NELL2: variants seen among roughly 807,000 people sequenced by gnomAD.
NELL2 encodes protein kinase C-binding protein NELL2.
In NELL2, 41 loss-of-function variants were observed where a neutral mutation model predicts 109.6. The ratio of observed to expected loss-of-function variants is 0.37; its 90% confidence interval spans 0.29 to 0.49. The LOEUF (loss-of-function observed/expected upper bound fraction) is 0.49, where lower values mean the gene tolerates loss of function less well. Ranked by LOEUF, NELL2 falls within the 20% of genes least tolerant of loss-of-function variation. NELL2 has a pLI of 0.98. For missense variants in NELL2, 900 were observed against 1,008.3 expected, an observed-to-expected ratio of 0.89 and a Z score of 1.45; for synonymous variants, 355 against 344.7, an observed-to-expected ratio of 1.03 and a Z score of -0.33.
At chr12:44,569,366 T>C (rs1943777487) in intron 15 of NELL2, among the ~76,000 whole-genome samples, 2 of 152,154 alleles carry the variant, frequency 1.3e-5, no homozygotes, top group African/African-American at 4.8e-5. Flanking sequence ...GTCTTTACAA[T>C]AGTACAATTT....
At chr12:44,881,514 G>A (rs1945411638) in intron 1 of NELL2, among the ~76,000 whole-genome samples, 1 of 151,858 alleles carries the variant, frequency 6.6e-6, no homozygotes, top group African/African-American at 2.4e-5. Context: ...TCATTAGAAT[G>A]GGCCCAGTAG....
At position 44,890,284 on chromosome 12, in the gene NELL2, T is replaced by C. The variant is rs543412998; in HGVS notation, c.39-14384A>G. ...TCAGGTCATCCTTATCCTTTCCCTATACAGGCTGACTCTTAGTATTCACAG... is the reference window on the plus strand; with the variant it reads ...TCAGGTCATCCTTATCCTTTCCCTACACAGGCTGACTCTTAGTATTCACAG... On this transcript the variant is annotated intron_variant, in intron 1 of 20. Coordinates refer to the NELL2 transcript ENST00000333837. Among the ~76,000 whole-genome samples the C allele has an allele frequency of 2.6e-5, 4 of 152,298 alleles. No individual in the cohort carries two copies. In the South Asian group the frequency reaches 6.2e-4, roughly 24 times the overall value.
chr12:44,777,281 G>T lies in NELL2; in HGVS notation c.640C>A (p.Pro214Thr), dbSNP rs761572614. Residue 214 changes from proline to threonine, a missense_variant, in exon 6 of 20, where the codon CCC becomes ACC. Pro to Thr is a conservative substitution (Grantham distance 38, BLOSUM62 -1). Transcript: ENST00000429094. ...IMQDVQLLVM[P>T]QGFIAQCPDL... ...GGGCACTGAGCAATAAATCCCTGGG[G>T]CATGACAAGTAATTGGACATCTTGC... The T allele has an allele frequency of 6.2e-6, 10 of 1,613,744 alleles. No homozygotes were observed. In the East Asian group the frequency reaches 1.8e-4, roughly 29 times the overall value.
chr12:44,730,380 C>T (rs1005390626), intron 9 of NELL2, among the ~76,000 whole-genome samples: 12 of 152,044 alleles, frequency 7.9e-5, no homozygotes, highest in African/African-American at 1.9e-4. Flanking sequence ...GGATAGACCA[C>T]GTTATACTAT....
intron 2 of NELL2, among the ~76,000 whole-genome samples, chr12:44,869,073 C>T (rs548720451): frequency 9.2e-5 from 14 of 152,152 alleles, no homozygotes; most frequent in African/African-American, 3.1e-4. Context: ...TCTCATCATC[C>T]AAATCATCTA....
At position 44,906,038 on chromosome 12, in the gene NELL2, A is replaced by G. The variant is rs1231904827; in HGVS notation, c.38+7761T>C. 2.0e-5 allele frequency among the ~76,000 whole-genome samples: 3 copies of G among 152,104 alleles called. No homozygotes were observed. The East Asian group carries it at 5.8e-4, about 29-fold the overall frequency. On this transcript the variant is annotated intron_variant, in intron 1 of 20. Coordinates refer to the NELL2 transcript ENST00000333837. Reference sequence around the variant, plus strand: ...TATAATAGGAAAGAAAATTGTGAAGATTATAGAGAGGTTAACTTTTAAAAT... The same window carrying G: ...TATAATAGGAAAGAAAATTGTGAAGGTTATAGAGAGGTTAACTTTTAAAAT...
chr12:44,523,920 C>A (rs1321924147), intron 16 of NELL2, among the ~76,000 whole-genome samples: 1 of 152,136 alleles, frequency 6.6e-6, no homozygotes, highest in Non-Finnish European at 1.5e-5. Context: ...GATGAAATGT[C>A]ATGAGATCCC....
chr12:44,563,327 A>C (rs1414105225), intron 15 of NELL2, among the ~76,000 whole-genome samples: 1 of 152,174 alleles, frequency 6.6e-6, no homozygotes, highest in African/African-American at 2.4e-5. Flanking sequence ...AAAAAATTAA[A>C]AAAAAAGAAT....
At chr12:44,852,555 C>G (rs1003838893) in intron 2 of NELL2, among the ~76,000 whole-genome samples, 1 of 152,144 alleles carries the variant, frequency 6.6e-6, no homozygotes, top group African/African-American at 2.4e-5. Flanking sequence ...TTTTCAGATG[C>G]CTGTGTAATT....
intron 15 of NELL2, among the ~76,000 whole-genome samples, chr12:44,563,500 T>A (rs1442185152): frequency 6.6e-6 from 1 of 152,180 alleles, no homozygotes; most frequent in Non-Finnish European, 1.5e-5. Flanking sequence ...TAGTAAGTCA[T>A]CATTCATCCA....
intron 1 of NELL2, among the ~76,000 whole-genome samples, chr12:44,901,099 A>G (rs375594802): frequency 6.6e-6 from 1 of 152,220 alleles, no homozygotes; most frequent in Non-Finnish European, 1.5e-5. Flanking sequence ...CAAAAAATCA[A>G]TGAATCCAGT....
At chr12:44,859,550 AT>A (rs1944778255) in intron 2 of NELL2, among the ~76,000 whole-genome samples, 1 of 152,230 alleles carries the variant, frequency 6.6e-6, no homozygotes, top group Admixed American at 6.5e-5. Flanking sequence ...CAAGAAAAAA[AT>A]AAAAATAAAC....
At chr12:44,589,330 A>G (rs184065945) in intron 15 of NELL2, among the ~76,000 whole-genome samples, 15 of 152,070 alleles carry the variant, frequency 9.9e-5, no homozygotes, top group African/African-American at 2.9e-4. Flanking sequence ...TTTAAAAGAC[A>G]GTGATGAAAA....
intron 1 of NELL2, among the ~76,000 whole-genome samples, chr12:44,887,341 C>T (rs1359364044): frequency 6.6e-6 from 1 of 151,818 alleles, no homozygotes; most frequent in Non-Finnish European, 1.5e-5. Flanking sequence ...TTTGAGAAGC[C>T]TCCATACTTT....
chr12:44,686,110 C>T (rs538556926), intron 12 of NELL2, among the ~76,000 whole-genome samples: 40 of 152,202 alleles, frequency 2.6e-4, no homozygotes, highest in African/African-American at 9.1e-4. Flanking sequence ...AGGCTTTGCT[C>T]GTTTCTTTTT....
chr12:44,836,500 G>A (rs1297664400), intron 2 of NELL2, among the ~76,000 whole-genome samples: 1 of 152,142 alleles, frequency 6.6e-6, no homozygotes, highest in African/African-American at 2.4e-5. Context: ...CCCTCCCTGG[G>A]CCATATTAGG....
intron 12 of NELL2, among the ~76,000 whole-genome samples, chr12:44,667,293 T>C (rs1306082002): frequency 6.6e-6 from 1 of 152,204 alleles, no homozygotes; most frequent in African/African-American, 2.4e-5. Flanking sequence ...AATTCTAATT[T>C]ACTTGTTTGT....
intron 13 of NELL2, among the ~76,000 whole-genome samples, chr12:44,654,771 G>A (rs575185729): frequency 2.4e-4 from 36 of 152,140 alleles, no homozygotes; most frequent in Non-Finnish European, 4.1e-4. Context: ...CCGCGGGCTG[G>A]GGAGGAAAGA....
chr12:44,688,817 C>T (rs1372063995), intron 12 of NELL2, among the ~76,000 whole-genome samples: 1 of 152,158 alleles, frequency 6.6e-6, no homozygotes, highest in East Asian at 1.9e-4. Flanking sequence ...TGACTATGTA[C>T]AAGGAATGTG....
Sources: allele counts gnomAD v4.1 joint callset (sites outside exome capture counted in the v4.1 genomes callset), GRCh38; gene constraint gnomAD v4.1.1; transcripts MANE v1.5; gene names NCBI Gene and HGNC (gene_info 2026-07-23, HGNC 2026-07-21).